RBM45: variants seen among roughly 807,000 people sequenced by gnomAD.
The protein encoded by RBM45 is RNA binding motif protein 45, also known as RNA-binding protein 45.
In RBM45, 39 loss-of-function variants were observed where a neutral mutation model predicts 58.5. The ratio of observed to expected loss-of-function variants is 0.67; its 90% CI spans 0.52 to 0.87. The LOEUF (loss-of-function observed/expected upper bound fraction) is 0.87. Among genes scored for constraint, RBM45 ranks in the 40% least tolerant of loss-of-function variants. The pLI is 0.00. For missense variants in RBM45, 481 were observed against 581.6 expected (o/e 0.83, Z 1.78); for synonymous variants, 193 against 203.0 (o/e 0.95, Z 0.42).
intron 5 of RBM45, among the ~76,000 whole-genome samples, chr2:178,121,794 T>C (rs1056460522): frequency 6.6e-6 from 1 of 152,242 alleles, no homozygotes. Flanking sequence ...TTTATACCCC[T>C]CCTTCCTTTC....
At chr2:178,127,201 G>A (rs889484635) in intron 9 of RBM45, among the ~76,000 whole-genome samples, 7 of 152,160 alleles carry the variant, frequency 4.6e-5, no homozygotes, top group African/African-American at 1.4e-4. Flanking sequence ...GGGATTACAG[G>A]CATGAGCCAC....
chr2:178,127,581 T>C (rs2087949601), intron 9 of RBM45, among the ~76,000 whole-genome samples: 1 of 152,212 alleles, frequency 6.6e-6, no homozygotes. Flanking sequence ...TAAATCTTTT[T>C]AAATGTTTTA....
intron 2 of RBM45, among the ~76,000 whole-genome samples, chr2:178,117,805 G>A (rs1433427891): frequency 6.6e-6 from 1 of 152,156 alleles, no homozygotes; most frequent in Non-Finnish European, 1.5e-5. Context: ...GCAAGACTTT[G>A]GAGCTATCCA....
chr2:178,120,531 G>T, intron 4 of RBM45, 122 bp downstream of exon 4: 1 of 870,516 alleles, frequency 1.1e-6, no homozygotes, highest in Non-Finnish European at 1.6e-6. Context: ...AATCTTAAAT[G>T]TAGTTTTTTT....
intron 8 of RBM45, 83 bp from the exon 9 acceptor site, chr2:178,125,901 G>A (rs2087922675): frequency 9.8e-7 from 1 of 1,017,184 alleles, no homozygotes; most frequent in African/African-American, 1.6e-5. Context: ...GGTGAAAATG[G>A]AGTCAAGAAT....
At chr2:178,113,425 CA>C (rs1232154748) in intron 1 of RBM45, among the ~76,000 whole-genome samples, 2 of 152,190 alleles carry the variant, frequency 1.3e-5, no homozygotes, top group African/African-American at 4.8e-5. Context: ...ACATATTCTT[CA>C]CATTTTGTTA....
At chr2:178,123,714 A>G in intron 6 of RBM45, 63 bp downstream of exon 6, 1 of 1,589,280 alleles carries the variant, frequency 6.3e-7, no homozygotes, top group Non-Finnish European at 8.6e-7. Flanking sequence ...ATAGGACTTG[A>G]AGAATAAAAA....
chr2:178,116,517 AT>A, intron 2 of RBM45, 133 bp downstream of exon 2: 3 of 625,718 alleles, frequency 4.8e-6, no homozygotes, highest in Non-Finnish European at 7.5e-6. Flanking sequence ...GCTTTCATCA[AT>A]TTCAATCTAC....
chr2:178,132,893 TG>T (rs1318251483), downstream of RBM45, among the ~76,000 whole-genome samples: 1 of 152,150 alleles, frequency 6.6e-6, no homozygotes, highest in African/African-American at 2.4e-5. Context: ...CAGCCAAAAC[TG>T]TGGTTCTTTA....
chr2:178,119,964 G>A (rs57924156), intron 3 of RBM45, among the ~76,000 whole-genome samples: 76 of 152,306 alleles, frequency 5.0e-4, no homozygotes, highest in African/African-American at 1.8e-3. Flanking sequence ...TAAATATAAA[G>A]AAGCCCTACA....
chr2:178,126,957 C>A (rs533180446), intron 9 of RBM45, among the ~76,000 whole-genome samples: 1 of 151,638 alleles, frequency 6.6e-6, no homozygotes, highest in Admixed American at 6.6e-5. Context: ...TTTTTTCCCC[C>A]GAGACGTCTC....
chr2:178,130,325 A>C (rs2087993371), downstream of RBM45, among the ~76,000 whole-genome samples: 1 of 152,138 alleles, frequency 6.6e-6, no homozygotes, highest in Non-Finnish European at 1.5e-5. Context: ...GTTCAAGAGG[A>C]GACCAGCCTG....
Position 178,123,809 on chromosome 2 carries a change from T to A in RBM45, c.984-19T>A, listed in dbSNP as rs779399762. ...TGAATATTTTTAGTTTTCTGTAAATTATCAGTTATTTTTTCCAGTCTCCTT... is the reference window on the plus strand; with the variant it reads ...TGAATATTTTTAGTTTTCTGTAAATAATCAGTTATTTTTTCCAGTCTCCTT... On this transcript the variant is annotated intron_variant, in intron 6 of 9. Coordinates refer to ENST00000286070, the MANE Select transcript of RBM45 (RefSeq NM_152945.4). 1.2e-6 allele frequency: 2 copies of A among 1,611,808 alleles called. No individual in the cohort carries two copies. Among genetic ancestry groups the A allele is most frequent in the Non-Finnish European group, 8.5e-7 (1 of 1,178,876 alleles).
At chr2:178,135,190 G>T (rs570914801) in intron 3 of RBM45, among the ~76,000 whole-genome samples, 2 of 152,304 alleles carry the variant, frequency 1.3e-5, no homozygotes, top group African/African-American at 2.4e-5. Flanking sequence ...TAGAGAAGAA[G>T]ATTTTAATCT....
downstream of RBM45, among the ~76,000 whole-genome samples, chr2:178,131,915 C>G (rs1347120220): frequency 6.6e-6 from 1 of 152,118 alleles, no homozygotes; most frequent in African/African-American, 2.4e-5. Flanking sequence ...ATTTATTAAT[C>G]TAGTTGTTTA....
At position 178,112,980 on chromosome 2, in the gene RBM45, T is replaced by G. The variant is rs530156699; in HGVS notation, c.300+134T>G. On this transcript the variant is annotated intron_variant, in intron 1 of 9. Coordinates refer to ENST00000286070, the MANE Select transcript of RBM45 (RefSeq NM_152945.4). ...GCAGCTGACCAGACAGCACCTGGCT[T>G]GGGGACAGGGGCTGCTTTGAGGAGA... 1.7e-5 allele frequency: 16 copies of G among 942,860 alleles called. No homozygotes were observed. In the African/African-American group the frequency reaches 2.5e-4, roughly 15 times the overall value. The allele number at this position is 942,860 out of a possible 1,614,324, so 58.4% of individuals were successfully genotyped here.
At chr2:178,120,877 G>A (rs2087841227) in intron 4 of RBM45, 1 of 223,014 alleles carries the variant, frequency 4.5e-6, no homozygotes, top group Admixed American at 5.7e-5. Flanking sequence ...GCCTGTGAAT[G>A]TTATTTGACG....
rs1326037951 is a variant in RBM45 at position 178,116,400 on chromosome 2, A to G, written c.423+16A>G. 6.3e-7 allele frequency: 1 copy of G among 1,596,840 alleles called. No individual in the cohort carries two copies. Among genetic ancestry groups the G allele is most frequent in the Admixed American group, 1.8e-5 (1 of 55,628 alleles). On this transcript the variant is annotated intron_variant, in intron 2 of 9. Coordinates refer to ENST00000286070, the MANE Select transcript of RBM45 (RefSeq NM_152945.4). The stretch of plus-strand genomic sequence containing the variant: ...AAAATTTAAGGTATTTATTCTAATC[A>G]GCTAGCATATGTGATAACTCATAGT...
Position 178,124,004 on chromosome 2 carries a change from G to A in RBM45, c.1068+92G>A. 3 of 1,504,140 alleles carry A rather than the reference G, an allele frequency of 2.0e-6. 1 individual carries two copies. The highest frequency in any genetic ancestry group is 2.7e-6 in the Non-Finnish European group (3 of 1,091,714). The allele number at this position is 1,504,140 out of a possible 1,614,324, so 93.2% of individuals were successfully genotyped here. A position where few individuals can be genotyped will look rare whatever the true frequency, so the allele number is the denominator to read the frequency against. ...CATGCTTTGTTGATTATCTGTGTAT[G>A]AAAATTTTCAGAGCTATTGTGGAAG... On this transcript the variant is annotated intron_variant, in intron 7 of 9. Transcript: ENST00000286070.
Sources: gnomAD v4.1 joint callset for allele counts (sites outside exome capture counted in the v4.1 genomes callset) on GRCh38, gnomAD v4.1.1 for gene constraint, MANE v1.5 for transcripts, NCBI Gene and HGNC (gene_info 2026-07-23, HGNC 2026-07-21) for gene names.